The following SLC35F4 variants were observed in gnomAD, a reference collection of about 807,000 sequenced individuals.
The protein encoded by SLC35F4 is chromosome 14 open reading frame 36.
A neutral mutation model predicts 44.2 loss-of-function variants in SLC35F4; 24 were observed. The ratio of observed to expected loss-of-function variants is 0.54; its 90% CI spans 0.39 to 0.76. The LOEUF is 0.76. SLC35F4 is among the 30% of genes least tolerant of loss of function. SLC35F4 has a pLI of 0.00. For missense variants in SLC35F4, 562 were observed against 586.1 expected (o/e 0.96, Z 0.42); for synonymous variants, 238 against 223.6 (o/e 1.06, Z -0.57).
At position 57,808,976 on chromosome 14, in the gene SLC35F4, T is replaced by C. The variant is rs184772815; in HGVS notation, c.103+56747A>G. 1.2e-4 allele frequency among the ~76,000 whole-genome samples: 19 copies of C among 152,342 alleles called. No homozygotes were observed. The East Asian group carries it at 3.1e-3, about 25-fold the overall frequency. On this transcript the variant is annotated intron_variant, in intron 1 of 7. Transcript: ENST00000556826. ...GAGCAGAAATCTACAGGAGGTTGAA[T>C]AGCCCTGAATCACTCTGAGTTTACA...
At chr14:57,720,182 C>T (rs570527954) in intron 1 of SLC35F4, among the ~76,000 whole-genome samples, 1 of 151,918 alleles carries the variant, frequency 6.6e-6, no homozygotes, top group African/African-American at 2.4e-5. Context: ...GGGATAAATC[C>T]CACTTGATCA....
At chr14:57,893,548 A>G (rs1297330404) in intron 1 of SLC35F4, among the ~76,000 whole-genome samples, 2 of 152,140 alleles carry the variant, frequency 1.3e-5, no homozygotes, top group Non-Finnish European at 2.9e-5. Context: ...CCGAGAAACC[A>G]TTGTACTTAT....
intron 1 of SLC35F4, among the ~76,000 whole-genome samples, chr14:57,937,586 GAAAGAAAAGAAAAGAAAAGA>G (rs67004414): frequency 0.062 from 7,068 of 113,874 alleles, 293 homozygotes; most frequent in African/African-American, 0.11. Flanking sequence ...GAAAAGAAAA[GAAAGAAAAGAAAAGAAAAGA>G]AAAGAAAAGA....
chr14:57,741,502 C>T (rs915695524), intron 1 of SLC35F4, among the ~76,000 whole-genome samples: 1 of 151,570 alleles, frequency 6.6e-6, no homozygotes, highest in Non-Finnish European at 1.5e-5. Context: ...GATGGAAGAT[C>T]AAATGAATGA....
intron 1 of SLC35F4, among the ~76,000 whole-genome samples, chr14:57,756,987 G>T (rs182229958): frequency 1.3e-4 from 20 of 152,172 alleles, no homozygotes; most frequent in Admixed American, 7.9e-4. Flanking sequence ...TTTAGAAAGG[G>T]ATACTAAAAT....
chr14:57,788,143 A>G (rs2077815792), intron 1 of SLC35F4, among the ~76,000 whole-genome samples: 1 of 152,230 alleles, frequency 6.6e-6, no homozygotes, highest in African/African-American at 2.4e-5. Flanking sequence ...ACAAACTTTA[A>G]AGCAACAGCA....
At chr14:57,752,080 T>C (rs979398982) in intron 1 of SLC35F4, among the ~76,000 whole-genome samples, 3 of 152,198 alleles carry the variant, frequency 2.0e-5, no homozygotes, top group African/African-American at 4.8e-5. Flanking sequence ...TCTCCTCACA[T>C]GGCTTTTGAT....
At chr14:57,849,153 T>C (rs926496037) in intron 1 of SLC35F4, among the ~76,000 whole-genome samples, 3 of 152,044 alleles carry the variant, frequency 2.0e-5, no homozygotes, top group Non-Finnish European at 4.4e-5. Flanking sequence ...TAAAAAAGAA[T>C]CACAACATAT....
chr14:57,735,086 T>C (rs895159014), intron 1 of SLC35F4, among the ~76,000 whole-genome samples: 2 of 151,996 alleles, frequency 1.3e-5, no homozygotes, highest in African/African-American at 4.8e-5. Flanking sequence ...ATCTGTGACA[T>C]ACAAAATACA....
Position 57,783,495 on chromosome 14 carries a change from G to A in SLC35F4, c.103+82228C>T, listed in dbSNP as rs112294173. Among the ~76,000 whole-genome samples the A allele has an allele frequency of 1.1e-3, 173 of 152,266 alleles. 2 individuals carry two copies. Among genetic ancestry groups the A allele is most frequent in the African/African-American group, 3.8e-3 (159 of 41,578 alleles). On this transcript the variant is annotated intron_variant, in intron 1 of 7. Transcript: ENST00000556826. ...GAATGGGCTAACTCTACTGTTTTGT[G>A]CAAATGTAGTTGGGTTTATCATCAG... is the stretch of plus-strand genomic sequence containing the variant.
chr14:57,967,771 T>C (rs1319510171), intron 1 of SLC35F4, among the ~76,000 whole-genome samples: 2 of 152,146 alleles, frequency 1.3e-5, no homozygotes, highest in Non-Finnish European at 2.9e-5. Flanking sequence ...AAATTACCAT[T>C]GACCTAAATT....
chr14:57,596,234 A>G (rs2070479431), intron 1 of SLC35F4: 1 of 156,488 alleles, frequency 6.4e-6, no homozygotes, highest in Admixed American at 6.3e-5. Context: ...AAAAATTTAC[A>G]GTTACTCAGA....
intron 1 of SLC35F4, among the ~76,000 whole-genome samples, chr14:57,915,186 C>A (rs747672383): frequency 1.7e-4 from 26 of 152,144 alleles, no homozygotes; most frequent in Non-Finnish European, 1.5e-4. Context: ...AAACAGAGTT[C>A]TGAAGCAGCC....
At chr14:57,858,360 A>G (rs186150378) in intron 1 of SLC35F4, among the ~76,000 whole-genome samples, 195 of 152,156 alleles carry the variant, frequency 1.3e-3, no homozygotes, top group Non-Finnish European at 2.4e-3. Context: ...ATCAAAAAGG[A>G]TGAGTTCATG....
chr14:57,766,236 G>A (rs964237946), intron 1 of SLC35F4, among the ~76,000 whole-genome samples: 1 of 152,224 alleles, frequency 6.6e-6, no homozygotes, highest in Non-Finnish European at 1.5e-5. Context: ...GCCATGAATA[G>A]TATTCTGTGG....
At chr14:57,728,437 CTTTCTTTTTTTTT>C (rs2076261416) in intron 1 of SLC35F4, among the ~76,000 whole-genome samples, 3 of 97,588 alleles carry the variant, frequency 3.1e-5, no homozygotes, top group African/African-American at 1.2e-4. Context: ...TTTTTTCTTT[CTTTCTTTTTTTTT>C]TTTTTTTTTT....
intron 1 of SLC35F4, among the ~76,000 whole-genome samples, chr14:57,701,521 C>T (rs1368791875): frequency 6.6e-6 from 1 of 152,156 alleles, no homozygotes; most frequent in African/African-American, 2.4e-5. Context: ...TATTTTTATA[C>T]AGCTGGCGGC....
intron 4 of SLC35F4, among the ~76,000 whole-genome samples, chr14:57,579,845 T>C (rs542778773): frequency 2.6e-4 from 40 of 152,318 alleles, no homozygotes; most frequent in African/African-American, 9.1e-4. Context: ...CTGTTGTTGT[T>C]ATCTTAAAAT....
At chr14:57,616,617 A>AT (rs1469823931) in intron 1 of SLC35F4, among the ~76,000 whole-genome samples, 2 of 151,928 alleles carry the variant, frequency 1.3e-5, no homozygotes, top group Non-Finnish European at 2.9e-5. Flanking sequence ...CGCATTTGAG[A>AT]TTTTCTCCAG....
Sources: allele counts gnomAD v4.1 joint callset (sites outside exome capture counted in the v4.1 genomes callset), GRCh38; gene constraint gnomAD v4.1.1; transcripts MANE v1.5; gene names NCBI Gene and HGNC (gene_info 2026-07-23, HGNC 2026-07-21).